Variants in TLE4 observed in about 807,000 individuals in gnomAD.
TLE4 encodes TLE family member 4, transcriptional corepressor, also known as transducin-like enhancer protein 4.
Under a neutral mutation model 92.8 loss-of-function variants are expected in TLE4, and 8 were observed. The observed-to-expected ratio is 0.09, with a 90% CI of 0.05 to 0.16. The LOEUF (loss-of-function observed/expected upper bound fraction) is 0.16, where lower values mean the gene tolerates loss of function less well. Ranked by LOEUF, TLE4 falls within the 10% of genes least tolerant of loss-of-function variation. The pLI, the probability that TLE4 is intolerant of heterozygous loss-of-function variation, is 1.00. For missense variants in TLE4, 675 were observed against 997.6 expected, an observed-to-expected ratio of 0.68 and a Z score of 4.36; for synonymous variants, 371 against 374.1, an observed-to-expected ratio of 0.99 and a Z score of 0.10.
intron 6 of TLE4, among the ~76,000 whole-genome samples, chr9:79,646,404 C>A (rs1028976305): frequency 1.3e-5 from 2 of 152,126 alleles, no homozygotes; most frequent in African/African-American, 2.4e-5. Flanking sequence ...TCCAGAGAAA[C>A]CTTACTCCTT....
rs1189545693 is a variant in TLE4 at position 79,572,178 on chromosome 9, G to C, written c.-613G>C. 6.6e-6 allele frequency: 1 copy of C among 151,896 alleles called. No homozygotes were observed. Among genetic ancestry groups the C allele is most frequent in the Non-Finnish European group, 1.5e-5 (1 of 67,984 alleles). The allele number at this position is 151,896 out of a possible 1,614,324, so 9.4% of individuals were successfully genotyped here. On this transcript the variant is annotated 5_prime_UTR_variant, in exon 1 of 20. Coordinates refer to ENST00000376552, the MANE Select transcript of TLE4 (RefSeq NM_007005.6). The stretch of plus-strand genomic sequence containing the variant: ...AAAAAGACAAGAAAACAGGAAGGAA[G>C]AGAAATAAGGAAATGAGATGTGGTA...
At chr9:79,581,766 AT>A (rs1326902596) in intron 4 of TLE4, among the ~76,000 whole-genome samples, 2 of 152,140 alleles carry the variant, frequency 1.3e-5, no homozygotes, top group Non-Finnish European at 2.9e-5. Context: ...TGGGTTAGAG[AT>A]TCAGGCCCCA....
chr9:79,669,757 T>C lies in TLE4; in HGVS notation c.609+15682T>C, dbSNP rs1371511225. On this transcript the variant is annotated intron_variant, in intron 8 of 19. Coordinates refer to ENST00000376552, the MANE Select transcript of TLE4 (RefSeq NM_007005.6). ...TCATGTGACCAAATCTAGGAAAGAA[T>C]AGGAATTTACTGAGTTTGTTAAAAG... Among the ~76,000 whole-genome samples, 3 of 152,290 alleles carry C rather than the reference T, an allele frequency of 2.0e-5. No individual in the cohort carries two copies. In the East Asian group the frequency reaches 5.8e-4, roughly 29 times the overall value.
At chr9:79,719,966 C>G in intron 15 of TLE4, 80 bp from the exon 16 acceptor site, 1 of 1,517,746 alleles carries the variant, frequency 6.6e-7, no homozygotes, top group Admixed American at 2.0e-5. Context: ...GAACACAATA[C>G]TTTTATGGAT....
intron 8 of TLE4, among the ~76,000 whole-genome samples, chr9:79,674,803 T>C (rs533267023): frequency 3.3e-5 from 5 of 152,180 alleles, no homozygotes; most frequent in Non-Finnish European, 5.9e-5. Context: ...CGTGCGTGTT[T>C]TTGTGTTAAA....
chr9:79,670,690 C>T (rs997391707), intron 8 of TLE4, among the ~76,000 whole-genome samples: 1 of 152,166 alleles, frequency 6.6e-6, no homozygotes, highest in Non-Finnish European at 1.5e-5. Flanking sequence ...GAACTCTAGA[C>T]AGCCAGTAGG....
intron 15 of TLE4, among the ~76,000 whole-genome samples, chr9:79,719,456 A>G (rs1041758217): frequency 6.6e-6 from 1 of 152,156 alleles, no homozygotes; most frequent in Non-Finnish European, 1.5e-5. Flanking sequence ...AATTAAATAT[A>G]CATAAGATTC....
chr9:79,603,103 G>T (rs1324325849), intron 4 of TLE4, among the ~76,000 whole-genome samples: 1 of 152,184 alleles, frequency 6.6e-6, no homozygotes, highest in African/African-American at 2.4e-5. Flanking sequence ...AAAGAAAGTA[G>T]TTTCTTGAGA....
rs1321950520 is a variant in TLE4 at position 79,572,040 on chromosome 9, G to C, written c.-751G>C. The C allele has an allele frequency of 1.3e-5, 2 of 151,702 alleles. No individual in the cohort carries two copies. The highest frequency in any genetic ancestry group is 4.8e-5 in the African/African-American group (2 of 41,242). 9.4% of individuals were successfully genotyped at this position (151,702 alleles called of 1,614,324 possible). ...TTTCTTCCCCCTTTCTCACACACTT[G>C]TATATTATTTTGAGGTGGTGTTCGC... On this transcript the variant is annotated 5_prime_UTR_variant, in exon 1 of 20. Coordinates refer to ENST00000376552, the MANE Select transcript of TLE4 (RefSeq NM_007005.6).
At position 79,572,968 on chromosome 9, in the gene TLE4, G is replaced by A. The variant is rs1018459670; in HGVS notation, c.45+133G>A. 7 of 955,464 alleles carry A rather than the reference G, an allele frequency of 7.3e-6. No homozygotes were observed. In the Admixed American group the frequency reaches 1.7e-4, roughly 23 times the overall value. 59.2% of individuals were successfully genotyped at this position (955,464 alleles called of 1,614,324 possible). A position where few individuals can be genotyped will look rare whatever the true frequency, so the allele number is the denominator to read the frequency against. ...CCGAAATCGGCGCCCCGCGCCGGGA[G>A]CAGCCCGCCCGCCATCACCCCCACC... On this transcript the variant is annotated intron_variant, in intron 1 of 19. Coordinates refer to ENST00000376552, the MANE Select transcript of TLE4 (RefSeq NM_007005.6).
At chr9:79,634,043 G>A (rs2055057488) in intron 6 of TLE4, among the ~76,000 whole-genome samples, 1 of 152,168 alleles carries the variant, frequency 6.6e-6, no homozygotes, top group African/African-American at 2.4e-5. Flanking sequence ...TAAGACCTTT[G>A]TGAAAAGGTT....
intron 1 of TLE4, chr9:79,573,233 C>T (rs2036411665): frequency 9.9e-7 from 1 of 1,012,852 alleles, no homozygotes; most frequent in Non-Finnish European, 1.2e-6. Context: ...GGGCGCCGGC[C>T]CCTCGCGCCG....
chr9:79,609,165 C>T (rs1361230816), intron 4 of TLE4, among the ~76,000 whole-genome samples: 1 of 151,990 alleles, frequency 6.6e-6, no homozygotes, highest in Non-Finnish European at 1.5e-5. Context: ...TCCAATGATT[C>T]TTGAGTTTTG....
Position 79,666,163 on chromosome 9 carries a change from C to CTGTG in TLE4, c.609+12119_609+12122dup, listed in dbSNP as rs34558090. Among the ~76,000 whole-genome samples the CTGTG allele has an allele frequency of 8.9e-3, 1,119 of 126,426 alleles. 14 individuals carry two copies. Among genetic ancestry groups the CTGTG allele is most frequent in the East Asian group, 0.034 (147 of 4,282 alleles). The allele number at this position is 126,426 out of a possible 152,430, so 82.9% of individuals were successfully genotyped here. A position where few individuals can be genotyped will look rare whatever the true frequency, so the allele number is the denominator to read the frequency against. ...TATGAATCTCTGCTGTTTCCTTCAT[C>CTGTG]TGTGTGTGTGTGTGTGTGTGTGTGT... On this transcript the variant is annotated intron_variant, in intron 8 of 19. Transcript: ENST00000376552.
intron 6 of TLE4, among the ~76,000 whole-genome samples, chr9:79,651,063 CTCT>C (rs2058890832): frequency 1.4e-5 from 2 of 148,100 alleles, no homozygotes; most frequent in Non-Finnish European, 3.0e-5. Flanking sequence ...CTCTCTCTCT[CTCT>C]CTGTCCCTGT....
intron 7 of TLE4, chr9:79,653,060 G>A (rs1198418279): frequency 2.1e-6 from 1 of 482,976 alleles, no homozygotes; most frequent in African/African-American, 1.9e-5. Flanking sequence ...TGTTCCCCAG[G>A]TCTAAATCAG....
intron 6 of TLE4, among the ~76,000 whole-genome samples, chr9:79,647,915 G>A (rs2058343861): frequency 6.6e-6 from 1 of 151,928 alleles, no homozygotes; most frequent in African/African-American, 2.4e-5. Flanking sequence ...CGAGAAAGTA[G>A]GCAGGAGTTT....
At chr9:79,576,269 C>T (rs1160889186) in intron 4 of TLE4, 92 bp downstream of exon 4, 4 of 923,834 alleles carry the variant, frequency 4.3e-6, no homozygotes, top group Non-Finnish European at 6.4e-6. Context: ...ATTCTGCAAG[C>T]CGTTGTGGCT....
chr9:79,720,156 A>T lies in TLE4; in HGVS notation c.1701A>T (p.Pro567=). ...LSIWDLAAPT[P]RIKAELTSSA... ...TTTGGGACCTGGCGGCTCCAACCCC[A>T]CGCATCAAGGCAGAGCTGACATCCT... Residue 567 remains proline (P), a synonymous_variant, in exon 16 of 20, where the codon CCA becomes CCT. Coordinates refer to ENST00000376552, the MANE Select transcript of TLE4 (RefSeq NM_007005.6). 6.2e-7 allele frequency: 1 copy of T among 1,614,162 alleles called. No individual in the cohort carries two copies. The highest frequency in any genetic ancestry group is 8.5e-7 in the Non-Finnish European group (1 of 1,180,034).
Sources: allele counts gnomAD v4.1 joint callset (sites outside exome capture counted in the v4.1 genomes callset), GRCh38; gene constraint gnomAD v4.1.1; transcripts MANE v1.5; gene names NCBI Gene and HGNC (gene_info 2026-07-23, HGNC 2026-07-21).